COG1: variants seen among roughly 807,000 people sequenced by gnomAD.
The protein encoded by COG1 is conserved oligomeric Golgi complex subunit 1.
A neutral mutation model predicts 102.2 loss-of-function variants in COG1; 61 were observed. The observed-to-expected ratio is 0.60, with a 90% CI of 0.49 to 0.74. The LOEUF is 0.74. Among genes scored for constraint, COG1 ranks in the 30% least tolerant of loss-of-function variants. The pLI is 0.00. For synonymous variants in COG1, 454 were observed against 493.6 expected, an observed-to-expected ratio of 0.92 and a Z score of 1.06; for missense variants, 1,164 against 1,232.1, an observed-to-expected ratio of 0.94 and a Z score of 0.83.
rs150638922 is a variant in COG1, at chr17:73,200,769, G to A, written c.1274G>A (p.Arg425Gln). 2.2e-5 allele frequency: 36 copies of A among 1,613,708 alleles called. No homozygotes were observed. Among genetic ancestry groups the A allele is most frequent in the Middle Eastern group, 1.7e-4 (1 of 6,040 alleles). Residue 425 changes from arginine (R) to glutamine (Q), a missense_variant, in exon 6 of 14, where the codon CGA becomes CAA. Physicochemically the swap from Arg to Gln is conservative, Grantham distance 43 (BLOSUM62 1). Transcript: ENST00000299886. ...ATGATGCAGCAACTGTTCCTTGACC[G>A]ATTACAGGTGAGCTGGACAGTCACA... ...EDMMQQLFLDRLQTLTKEGFD... is the reference protein window; with the variant it reads ...EDMMQQLFLDQLQTLTKEGFD...
Position 73,200,005 on chromosome 17 carries a change from C to A in COG1, c.1054C>A (p.Gln352Lys), listed in dbSNP as rs779797550. Residue 352 changes from glutamine to lysine, a missense_variant, in exon 5 of 14, where the codon CAG (glutamine) becomes AAG (lysine). Physicochemically the swap from Gln to Lys is moderately conservative, Grantham distance 53. Transcript: ENST00000299886. ...ISQEYLKDTL[Q>K]KWIHMCNEDI... ...TCAGGAATACCTGAAAGACACGCTG[C>A]AGAAATGGATCCACATGTAAGTAAC... The A allele has an allele frequency of 1.9e-6, 3 of 1,612,784 alleles. No individual in the cohort carries two copies. The South Asian group carries it at 3.3e-5, about 18-fold the overall frequency.
intron 13 of COG1, 102 bp downstream of exon 13, chr17:73,207,358 G>A: frequency 9.3e-7 from 1 of 1,072,114 alleles, no homozygotes; most frequent in Non-Finnish European, 1.4e-6. Context: ...AGAACTGAAT[G>A]ACAAAATGCA....
At position 73,203,708 on chromosome 17, in the gene COG1, A is replaced by C. The variant is rs768518036; in HGVS notation, c.2297A>C (p.Lys766Thr). The C allele has an allele frequency of 6.2e-7, 1 of 1,614,246 alleles. No individual in the cohort carries two copies. The highest frequency in any genetic ancestry group is 8.5e-7 in the Non-Finnish European group (1 of 1,180,024). The part of the protein sequence containing the change: ...INRVGGHALP[K>T]VTLQEMLKSC... ...CGGGTTGGAGGCCATGCCTTGCCAA[A>C]GGTGACATTACAGGAGATGCTGAAA... The change falls in exon 9 of 14, where the codon AAG (lysine) becomes ACG (threonine). Residue 766 changes from lysine to threonine, a missense_variant. By Grantham distance (78) the Lys-to-Thr change is moderately conservative. Coordinates refer to ENST00000299886, the MANE Select transcript of COG1 (RefSeq NM_018714.3).
chr17:73,199,732 G>T, intron 4 of COG1, 133 bp from the exon 5 acceptor site: 1 of 1,002,542 alleles, frequency 1.0e-6, no homozygotes, highest in Non-Finnish European at 1.5e-6. Context: ...GCACCATGAC[G>T]CCTGGCAAAT....
At chr17:73,202,142 C>A (rs1417989577) in intron 7 of COG1, among the ~76,000 whole-genome samples, 1 of 151,180 alleles carries the variant, frequency 6.6e-6, no homozygotes, top group African/African-American at 2.4e-5. Context: ...TCGAGACCAT[C>A]CTGGCTAACA....
chr17:73,208,100 C>A, intron 13 of COG1: 1 of 1,446,554 alleles, frequency 6.9e-7, no homozygotes, highest in South Asian at 1.4e-5. Flanking sequence ...CAAGACAGTC[C>A]TCATTTCCAA....
At chr17:73,207,517 T>C in intron 13 of COG1, 1 of 598,242 alleles carries the variant, frequency 1.7e-6, no homozygotes, top group South Asian at 1.8e-5. Flanking sequence ...GGAGATGAGC[T>C]CTTGAATTTA....
rs1274272930 is a variant in COG1 at position 73,200,027 on chromosome 17, T to C, written c.1070+6T>C. 6.2e-7 allele frequency: 1 copy of C among 1,609,624 alleles called. No homozygotes were observed. The highest frequency in any genetic ancestry group is 2.2e-5 in the East Asian group (1 of 44,832). ...CTGCAGAAATGGATCCACATGTAAG[T>C]AACCAGAAAGAGCTTCCCTGCAGCT... On this transcript the variant is annotated splice_donor_region_variant and intron_variant, in intron 5 of 13. Transcript: ENST00000299886.
intron 9 of COG1, chr17:73,205,351 C>T: frequency 1.7e-6 from 1 of 605,738 alleles, no homozygotes; most frequent in African/African-American, 1.8e-5. Context: ...GGTCTCTTCC[C>T]TGCTGTTAGG....
Position 73,203,148 on chromosome 17 carries a change from T to A in COG1, c.2220+2T>A. The A allele has an allele frequency of 6.2e-7, 1 of 1,614,084 alleles. No homozygotes were observed. The highest frequency in any genetic ancestry group is 1.1e-5 in the South Asian group (1 of 91,066). On this transcript the variant is annotated splice_donor_variant, in intron 8 of 13. Transcript: ENST00000299886. LOFTEE classifies it high-confidence loss of function. ...TCCAAGATCCGACTCCCTGCACAGG[T>A]GAGCAGGGACCATGGGCTGAAAAAG... is the stretch of plus-strand genomic sequence containing the variant.
intron 6 of COG1, 117 bp from the exon 7 acceptor site, chr17:73,200,992 C>T (rs991706655): frequency 9.6e-7 from 1 of 1,040,882 alleles, no homozygotes; most frequent in East Asian, 2.4e-5. Flanking sequence ...AACACCATGC[C>T]ATCTTTCTGA....
chr17:73,207,619 C>T, intron 13 of COG1: 1 of 1,059,600 alleles, frequency 9.4e-7, no homozygotes, highest in Non-Finnish European at 1.3e-6. Context: ...GTTTTATCTT[C>T]CCTTTTAGTT....
At chr17:73,196,476 T>C (rs771075900) in intron 1 of COG1, 31 bp from the exon 2 acceptor site, 1 of 1,614,074 alleles carries the variant, frequency 6.2e-7, no homozygotes, top group Non-Finnish European at 8.5e-7. Context: ...TTGTTCGTTC[T>C]TCTGGTTTAG....
At chr17:73,207,821 A>ATTGT (rs1325101463) in intron 13 of COG1, 1 of 1,281,378 alleles carries the variant, frequency 7.8e-7, no homozygotes, top group Non-Finnish European at 1.0e-6. Flanking sequence ...TGTTTGCTTT[A>ATTGT]TTGTTAGACA....
intron 1 of COG1, 21 bp downstream of exon 1, chr17:73,193,405 C>T (rs2061310658): frequency 2.1e-6 from 3 of 1,399,970 alleles, no homozygotes; most frequent in East Asian, 2.8e-5. Flanking sequence ...GTGCCCCCAC[C>T]CTGCGACCCG....
Position 73,201,324 on chromosome 17 carries a change from C to T in COG1, c.1497C>T (p.Ala499=), listed in dbSNP as rs780996847. The change falls in exon 7 of 14, where the codon GCC becomes GCT. Residue 499 remains alanine (A), a synonymous_variant. Transcript: ENST00000299886. ...WVSVANRGQF[A]SSGLSMKAQA... The stretch of plus-strand genomic sequence containing the variant: ...GCGTGGCAAACCGGGGTCAGTTTGC[C>T]AGTAGCGGCCTCTCCATGAAAGCAC... 1.2e-6 allele frequency: 2 copies of T among 1,614,212 alleles called. No individual in the cohort carries two copies. The highest frequency in any genetic ancestry group is 2.2e-5 in the East Asian group (1 of 44,884).
chr17:73,205,501 CACAT>C, intron 9 of COG1, 48 bp from the exon 10 acceptor site: 4 of 1,606,188 alleles, frequency 2.5e-6, no homozygotes, highest in Non-Finnish European at 3.4e-6. Flanking sequence ...TTATTACGCT[CACAT>C]ACCAAGTCCT....
At chr17:73,194,674 G>A (rs112986378) in intron 1 of COG1, among the ~76,000 whole-genome samples, 10,021 of 151,906 alleles carry the variant, frequency 0.066, 408 homozygotes, top group Non-Finnish European at 0.086. Context: ...ATATTGGCCC[G>A]GCTGGTCTCC....
In COG1 at chr17:73,205,547, T is replaced by C; in HGVS notation, c.2383-6T>C. The C allele has an allele frequency of 6.2e-7, 1 of 1,614,132 alleles. No individual in the cohort carries two copies. The highest frequency in any genetic ancestry group is 8.5e-7 in the Non-Finnish European group (1 of 1,179,990). Reference sequence around the variant, plus strand: ...TCATGGGTGGGGACTGGGAATTCATTTGCAGAAAGAAGGTGCATTTCCAGT... The same window carrying C: ...TCATGGGTGGGGACTGGGAATTCATCTGCAGAAAGAAGGTGCATTTCCAGT... On this transcript the variant is annotated splice_region_variant and splice_polypyrimidine_tract_variant and intron_variant, in intron 9 of 13. Transcript: ENST00000299886.
Sources: allele counts gnomAD v4.1 joint callset (sites outside exome capture counted in the v4.1 genomes callset), GRCh38; gene constraint gnomAD v4.1.1; transcripts MANE v1.5; gene names NCBI Gene and HGNC (gene_info 2026-07-23, HGNC 2026-07-21).